The following ZNF304 variants were observed in gnomAD, a reference collection of about 807,000 sequenced individuals.
The protein encoded by ZNF304 is KRAB-containing zinc finger protein.
Under a neutral mutation model 7.8 loss-of-function variants are expected in ZNF304, and 7 were observed. The observed-to-expected ratio is 0.90, with a 90% CI of 0.51 to 1.69. The LOEUF (loss-of-function observed/expected upper bound fraction) is 1.69, where lower values mean the gene tolerates loss of function less well. Ranked by LOEUF, ZNF304 falls within the 40% of genes most tolerant of loss-of-function variation. ZNF304 has a pLI of 0.00. For synonymous variants in ZNF304, 280 were observed against 272.4 expected (o/e 1.03, Z -0.27); for missense variants, 669 against 804.8 (o/e 0.83, Z 2.04).
In ZNF304 at chr19:57,356,409, T is replaced by C. The variant is rs755543278; in HGVS notation, c.540T>C (p.Ser180=). The part of the protein sequence containing the change: ...REEGMDLPDS[S]GLFQHQTTYN... ...AAGGGATGGACTTACCAGATAGCTC[T>C]GGCCTTTTCCAGCACCAGACCACTT... Residue 180 remains serine (S), a synonymous_variant, in exon 3 of 3, where the codon TCT becomes TCC. Transcript: ENST00000282286. The C allele has an allele frequency of 9.7e-5, 157 of 1,614,068 alleles. 2 individuals are homozygous for C. Among genetic ancestry groups the C allele is most frequent in the Non-Finnish European group, 2.5e-6 (3 of 1,180,046 alleles).
chr19:57,357,751 T>C lies in ZNF304; in HGVS notation c.1882T>C (p.Ser628Pro). Residue 628 changes from serine (S) to proline (P), a missense_variant, in exon 3 of 3, where the codon TCC (serine) becomes CCC (proline). Ser to Pro is a moderately conservative substitution (Grantham distance 74). Coordinates refer to ENST00000282286, the MANE Select transcript of ZNF304 (RefSeq NM_020657.4). ...ATGTGGGAAAGCCTATAGCAGAAGC[T>C]CCCATCTTGTTCGTCACCAGAAAGC... Reference protein sequence around the residue: ...SECGKAYSRSSHLVRHQKAHT... With the variant: ...SECGKAYSRSPHLVRHQKAHT... 6.2e-7 allele frequency: 1 copy of C among 1,614,174 alleles called. No individual in the cohort carries two copies. The highest frequency in any genetic ancestry group is 8.5e-7 in the Non-Finnish European group (1 of 1,180,028).
intron 2 of ZNF304, 51 bp from the exon 3 acceptor site, chr19:57,355,979 T>C (rs1277563901): frequency 6.4e-7 from 1 of 1,554,066 alleles, no homozygotes; most frequent in Admixed American, 1.9e-5. Flanking sequence ...ATGGGGCTGC[T>C]GCCTCCCACC....
In ZNF304 at chr19:57,355,239, C is replaced by T. The variant is rs188264734; in HGVS notation, c.161-791C>T. ...TTTCTCTGTGGAGTGGGTCTACCTG[C>T]GCCACTCACCTGCCCTTTGTTTGCG... On this transcript the variant is annotated intron_variant, in intron 2 of 2. Transcript: ENST00000282286. 191 of 764,088 alleles carry T rather than the reference C, an allele frequency of 2.5e-4. 1 individual carries two copies. The East Asian group carries it at 3.6e-3, about 14-fold the overall frequency. 47.3% of individuals were successfully genotyped at this position (764,088 alleles called of 1,614,324 possible).
At chr19:57,354,915 TC>T (rs1568518186) in intron 2 of ZNF304, among the ~76,000 whole-genome samples, 1 of 152,216 alleles carries the variant, frequency 6.6e-6, no homozygotes, top group African/African-American at 2.4e-5. Context: ...GTTCAGTGTT[TC>T]TGCCTTCACT....
At chr19:57,353,655 T>G (rs1190517037) in intron 1 of ZNF304, 70 bp from the exon 2 acceptor site, 1 of 1,535,836 alleles carries the variant, frequency 6.5e-7, no homozygotes, top group East Asian at 2.3e-5. Context: ...TGTGTGAGTG[T>G]GTAGACTGGG....
Position 57,351,985 on chromosome 19 carries a change from T to A in ZNF304, c.33+288T>A. 2.4e-6 allele frequency: 1 copy of A among 418,176 alleles called. No homozygotes were observed. The highest frequency in any genetic ancestry group is 4.3e-6 in the Non-Finnish European group (1 of 233,708). The allele number at this position is 418,176 out of a possible 1,614,324, so 25.9% of individuals were successfully genotyped here. A position where few individuals can be genotyped will look rare whatever the true frequency, so the allele number is the denominator to read the frequency against. ...GGCCTGGAATGGCCGCCCGAGGAGCTGGTCCTCTCTTCTGAGGGTGCTGGG... is the reference window on the plus strand; with the variant it reads ...GGCCTGGAATGGCCGCCCGAGGAGCAGGTCCTCTCTTCTGAGGGTGCTGGG... On this transcript the variant is annotated intron_variant, in intron 1 of 2. Coordinates refer to ENST00000282286, the MANE Select transcript of ZNF304 (RefSeq NM_020657.4). This position sits in a 1 kb window ranked among gnomAD's most constrained non-coding sequence, Gnocchi z 4.1.
chr19:57,353,650 G>C (rs2088301380), intron 1 of ZNF304, 75 bp from the exon 2 acceptor site: 1 of 1,526,052 alleles, frequency 6.6e-7, no homozygotes, highest in African/African-American at 1.4e-5. Context: ...GTGGGTGTGT[G>C]AGTGTGTAGA....
At chr19:57,353,997 G>T (rs999867488) in intron 2 of ZNF304, 146 bp downstream of exon 2, 9 of 608,986 alleles carry the variant, frequency 1.5e-5, no homozygotes, top group East Asian at 1.0e-4. Context: ...TATTTTGAGG[G>T]TTTTTTTTTT....
rs1209576472 is a variant in ZNF304, at chr19:57,357,384, T to C, written c.1515T>C (p.Cys505=). 1 of 1,611,780 alleles carries C rather than the reference T, an allele frequency of 6.2e-7. No individual in the cohort carries two copies. Among genetic ancestry groups the C allele is most frequent in the African/African-American group, 1.4e-5 (1 of 73,996 alleles). The change falls in exon 3 of 3, where the codon TGT becomes TGC. Residue 505 remains cysteine, a synonymous_variant. Coordinates refer to ENST00000282286, the MANE Select transcript of ZNF304 (RefSeq NM_020657.4). The part of the protein sequence containing the change: ...KIHTGERPYE[C]GECGKFFSHS... Reference sequence around the variant, plus strand: ...ACACTGGAGAAAGGCCTTATGAGTGTGGTGAATGTGGTAAATTCTTCAGCC... The same window carrying C: ...ACACTGGAGAAAGGCCTTATGAGTGCGGTGAATGTGGTAAATTCTTCAGCC...
intron 1 of ZNF304, among the ~76,000 whole-genome samples, chr19:57,353,356 T>G (rs2088298629): frequency 1.3e-5 from 2 of 152,124 alleles, no homozygotes; most frequent in African/African-American, 2.4e-5. Context: ...ACTGATGCCC[T>G]TAAGACTCTA....
chr19:57,352,296 T>A (rs146444858), intron 1 of ZNF304, among the ~76,000 whole-genome samples: 5 of 152,340 alleles, frequency 3.3e-5, no homozygotes, highest in African/African-American at 1.2e-4. Context: ...CACATGACTG[T>A]CTTCACTTGA....
In ZNF304 at chr19:57,356,690, G is replaced by A; in HGVS notation, c.821G>A (p.Ser274Asn). ...SALINHRKIHSGEISHVCKEC... is the reference protein window; with the variant it reads ...SALINHRKIHNGEISHVCKEC... ...CTTATTAATCACAGAAAAATCCACAGTGGAGAAATATCTCATGTGTGTAAG... is the reference window on the plus strand; with the variant it reads ...CTTATTAATCACAGAAAAATCCACAATGGAGAAATATCTCATGTGTGTAAG... The change falls in exon 3 of 3, where the codon AGT becomes AAT. Residue 274 changes from serine to asparagine, a missense_variant. By Grantham distance (46) the Ser-to-Asn change is conservative (BLOSUM62 1). Transcript: ENST00000282286. 1 of 1,614,222 alleles carries A rather than the reference G, an allele frequency of 6.2e-7. No homozygotes were observed. The highest frequency in any genetic ancestry group is 8.5e-7 in the Non-Finnish European group (1 of 1,180,038).
chr19:57,355,329 G>A (rs574274358), intron 2 of ZNF304: 1 of 765,358 alleles, frequency 1.3e-6, no homozygotes, highest in African/African-American at 1.7e-5. Flanking sequence ...AACCTTGGGT[G>A]CCTGACAGGG....
chr19:57,357,386 G>A lies in ZNF304; in HGVS notation c.1517G>A (p.Gly506Asp), dbSNP rs200429773. ...ACTGGAGAAAGGCCTTATGAGTGTG[G>A]TGAATGTGGTAAATTCTTCAGCCAT... Reference protein sequence around the residue: ...IHTGERPYECGECGKFFSHSS... With the variant: ...IHTGERPYECDECGKFFSHSS... The change falls in exon 3 of 3, where the codon GGT becomes GAT. Residue 506 changes from glycine to aspartate, a missense_variant. Gly to Asp is a moderately conservative substitution (Grantham distance 94). Coordinates refer to ENST00000282286, the MANE Select transcript of ZNF304 (RefSeq NM_020657.4). The A allele has an allele frequency of 3.1e-6, 5 of 1,614,116 alleles. No individual in the cohort carries two copies. Among genetic ancestry groups the A allele is most frequent in the South Asian group, 1.1e-5 (1 of 91,082 alleles).
rs899583791 is a variant in ZNF304 at position 57,351,467 on chromosome 19, G to T, written c.-198G>T. 1 of 617,822 alleles carries T rather than the reference G, an allele frequency of 1.6e-6. No homozygotes were observed. Among genetic ancestry groups the T allele is most frequent in the Non-Finnish European group, 2.8e-6 (1 of 352,916 alleles). 38.3% of individuals were successfully genotyped at this position (617,822 alleles called of 1,614,324 possible). On this transcript the variant is annotated 5_prime_UTR_variant, in exon 1 of 3. Transcript: ENST00000282286. The surrounding 1 kb of genome is among the most constrained non-coding windows in gnomAD (Gnocchi z 4.1). Reference sequence around the variant, plus strand: ...GCCTCTCGCGGAGGTGTCTGCCGGGGCTGGGCTCTTACCGAGGCCTCCACA... The same window carrying T: ...GCCTCTCGCGGAGGTGTCTGCCGGGTCTGGGCTCTTACCGAGGCCTCCACA...
chr19:57,357,877 C>G lies in ZNF304; in HGVS notation c.*28C>G, dbSNP rs1292647479. Reference sequence around the variant, plus strand: ...CCAGAAAATTCACACAAGAGAAAGGCCTTATGAATGCAGAAAATATGTCAT... The same window carrying G: ...CCAGAAAATTCACACAAGAGAAAGGGCTTATGAATGCAGAAAATATGTCAT... On this transcript the variant is annotated 3_prime_UTR_variant, in exon 3 of 3. Coordinates refer to ENST00000282286, the MANE Select transcript of ZNF304 (RefSeq NM_020657.4). 1 of 1,559,074 alleles carries G rather than the reference C, an allele frequency of 6.4e-7. No homozygotes were observed. The highest frequency in any genetic ancestry group is 1.2e-5 in the South Asian group (1 of 80,698).
Position 57,356,810 on chromosome 19 carries a change from A to C in ZNF304, c.941A>C (p.Lys314Thr). 1 of 1,614,270 alleles carries C rather than the reference A, an allele frequency of 6.2e-7. No individual in the cohort carries two copies. Among genetic ancestry groups the C allele is most frequent in the Middle Eastern group, 1.6e-4 (1 of 6,062 alleles). Residue 314 changes from lysine to threonine, a missense_variant, in exon 3 of 3, where the codon AAG becomes ACG. By Grantham distance (78) the Lys-to-Thr change is moderately conservative. Coordinates refer to ENST00000282286, the MANE Select transcript of ZNF304 (RefSeq NM_020657.4). ...CACTATACATGCAGTGAATGTGGGAAGGCCTTCAGCCGCAAGGACACACTT... is the reference window on the plus strand; with the variant it reads ...CACTATACATGCAGTGAATGTGGGACGGCCTTCAGCCGCAAGGACACACTT... ...KRHYTCSECG[K>T]AFSRKDTLVQ...
chr19:57,353,886 G>T, intron 2 of ZNF304, 35 bp downstream of exon 2: 1 of 1,474,916 alleles, frequency 6.8e-7, no homozygotes, highest in South Asian at 1.4e-5. Flanking sequence ...ATGCTACATG[G>T]CAAATTATCC....
Position 57,356,138 on chromosome 19 carries a change from C to T in ZNF304, c.269C>T (p.Pro90Leu). 2 of 1,614,228 alleles carry T rather than the reference C, an allele frequency of 1.2e-6. No homozygotes were observed. Among genetic ancestry groups the T allele is most frequent in the South Asian group, 2.2e-5 (2 of 91,088 alleles). ...TCAGGTCTTTTCCAGAAAGCACACC[C>T]ATGTGAGATGTGTGACCCACTCTTG... ...AESGLFQKAHPCEMCDPLLKD... is the reference protein window; with the variant it reads ...AESGLFQKAHLCEMCDPLLKD... Residue 90 changes from proline (P) to leucine (L), a missense_variant, in exon 3 of 3, where the codon CCA becomes CTA. Transcript: ENST00000282286.
Sources: allele counts gnomAD v4.1 joint callset (sites outside exome capture counted in the v4.1 genomes callset), GRCh38; gene constraint gnomAD v4.1.1; non-coding constraint Gnocchi (gnomAD v3.1); transcripts MANE v1.5; gene names NCBI Gene and HGNC (gene_info 2026-07-23, HGNC 2026-07-21).